CNTN5: variants seen among roughly 807,000 people sequenced by gnomAD.
The protein encoded by CNTN5 is contactin-5.
A neutral mutation model predicts 129.1 loss-of-function variants in CNTN5; 77 were observed. The ratio of observed to expected loss-of-function variants is 0.60; its 90% CI spans 0.50 to 0.72. The LOEUF is 0.72. Ranked by LOEUF, CNTN5 falls within the 30% of genes least tolerant of loss-of-function variation. CNTN5 has a pLI of 0.00. For synonymous variants in CNTN5, 509 were observed against 465.6 expected (o/e 1.09, Z -1.20); for missense variants, 1,478 against 1,328.8 (o/e 1.11, Z -1.75).
At chr11:99,215,227 T>C (rs1860055699) in intron 1 of CNTN5, among the ~76,000 whole-genome samples, 1 of 152,130 alleles carries the variant, frequency 6.6e-6, no homozygotes, top group African/African-American at 2.4e-5. Flanking sequence ...AGATGGTTTT[T>C]AGGTCTACTA....
intron 13 of CNTN5, among the ~76,000 whole-genome samples, chr11:100,133,285 C>A (rs1946430078): frequency 6.6e-6 from 1 of 152,098 alleles, no homozygotes; most frequent in Non-Finnish European, 1.5e-5. Context: ...CTGCCACCAA[C>A]AGATATGAAA....
chr11:99,859,465 C>A (rs1042548228), intron 6 of CNTN5, among the ~76,000 whole-genome samples: 4 of 152,156 alleles, frequency 2.6e-5, no homozygotes, highest in African/African-American at 9.7e-5. Context: ...CACCCAGTTA[C>A]TTAGCATGGA....
intron 1 of CNTN5, among the ~76,000 whole-genome samples, chr11:99,208,737 A>G (rs1859609837): frequency 6.6e-6 from 1 of 152,260 alleles, no homozygotes; most frequent in East Asian, 1.9e-4. Flanking sequence ...GGACATTATA[A>G]TGATGCCAAT....
At chr11:99,722,461 A>G (rs964365438) in intron 3 of CNTN5, among the ~76,000 whole-genome samples, 1 of 151,946 alleles carries the variant, frequency 6.6e-6, no homozygotes, top group African/African-American at 2.4e-5. Context: ...ACGAAAATAG[A>G]CACTGGGGTC....
At chr11:99,954,880 T>A (rs1950761893) in intron 7 of CNTN5, among the ~76,000 whole-genome samples, 1 of 152,276 alleles carries the variant, frequency 6.6e-6, no homozygotes, top group Middle Eastern at 3.4e-3. Context: ...AAGAACTAAA[T>A]AAGCATTTTT....
chr11:100,195,937 G>A (rs1197839617), intron 15 of CNTN5, among the ~76,000 whole-genome samples: 3 of 151,898 alleles, frequency 2.0e-5, no homozygotes, highest in Middle Eastern at 3.2e-3. Flanking sequence ...GTGTTATAAA[G>A]GCAGATTTGG....
intron 6 of CNTN5, among the ~76,000 whole-genome samples, chr11:99,855,671 G>A (rs1217984225): frequency 6.6e-6 from 1 of 152,052 alleles, no homozygotes; most frequent in Admixed American, 6.6e-5. Flanking sequence ...TCCAAGTAAG[G>A]TATCTAGATC....
rs571420009 is a variant in CNTN5 at position 99,935,478 on chromosome 11, A to T, written c.673+19329A>T. Among the ~76,000 whole-genome samples the T allele has an allele frequency of 7.9e-5, 12 of 152,146 alleles. No homozygotes were observed. In the South Asian group the frequency reaches 2.3e-3, roughly 29 times the overall value. ...ATTCCAGAAAGATTATTTAATCTCT[A>T]ATCTGATACTAGAAATTTGAGGGCA... On this transcript the variant is annotated intron_variant, in intron 7 of 24. Transcript: ENST00000524871.
At chr11:100,239,115 G>A (rs1000779181) in intron 16 of CNTN5, among the ~76,000 whole-genome samples, 1 of 152,124 alleles carries the variant, frequency 6.6e-6, no homozygotes, top group African/African-American at 2.4e-5. Context: ...GAAGTTGGTT[G>A]CACATATTAA....
intron 1 of CNTN5, among the ~76,000 whole-genome samples, chr11:99,263,028 C>T (rs1028888532): frequency 3.3e-5 from 5 of 152,054 alleles, no homozygotes; most frequent in African/African-American, 1.2e-4. Context: ...ACATAGAATA[C>T]ATCAGCCATA....
intron 6 of CNTN5, among the ~76,000 whole-genome samples, chr11:99,869,320 C>T (rs569958816): frequency 6.6e-6 from 1 of 152,166 alleles, no homozygotes; most frequent in South Asian, 2.1e-4. Flanking sequence ...TCAAGAGTAA[C>T]AATTTCAATC....
intron 1 of CNTN5, among the ~76,000 whole-genome samples, chr11:99,060,387 A>G (rs180886560): frequency 1.3e-5 from 2 of 152,268 alleles, no homozygotes; most frequent in East Asian, 3.8e-4. Context: ...GAAAGTTTTT[A>G]TTTTAAAAAT....
intron 4 of CNTN5, 118 bp downstream of exon 4, chr11:99,819,883 C>A (rs936151212): frequency 8.5e-6 from 6 of 709,946 alleles, no homozygotes; most frequent in Admixed American, 8.2e-5. Context: ...GAACTCAACT[C>A]TGCTAAAAAT....
chr11:99,992,669 G>A (rs737582), intron 8 of CNTN5, among the ~76,000 whole-genome samples: 57,676 of 151,922 alleles, frequency 0.38, 12,407 homozygotes, highest in African/African-American at 0.59. Flanking sequence ...TGGTGTTTTG[G>A]CTCTCTGTTC....
At chr11:100,051,715 A>G (rs540617633) in intron 9 of CNTN5, among the ~76,000 whole-genome samples, 4 of 152,058 alleles carry the variant, frequency 2.6e-5, no homozygotes, top group Non-Finnish European at 4.4e-5. Context: ...GATACACATC[A>G]AAAACAAGAG....
Position 100,294,604 on chromosome 11 carries a change from G to A in CNTN5, c.2315-3021G>A, listed in dbSNP as rs1040811374. 2.6e-5 allele frequency among the ~76,000 whole-genome samples: 4 copies of A among 151,588 alleles called. No homozygotes were observed. In the South Asian group the frequency reaches 6.2e-4, roughly 24 times the overall value. ...ATCAGTAGTTGACTGAGGAAGAAGA[G>A]TCTAGCTGCTTAATCCTGGATTCAA... is the stretch of plus-strand genomic sequence containing the variant. On this transcript the variant is annotated intron_variant, in intron 18 of 24. Transcript: ENST00000524871.
At chr11:99,509,498 G>C (rs553399348) in intron 2 of CNTN5, among the ~76,000 whole-genome samples, 2 of 152,190 alleles carry the variant, frequency 1.3e-5, no homozygotes, top group South Asian at 2.1e-4. Context: ...AACTGGCAAA[G>C]AGAAAGAGCA....
chr11:99,439,072 G>A (rs1943711230), intron 2 of CNTN5, among the ~76,000 whole-genome samples: 1 of 152,208 alleles, frequency 6.6e-6, no homozygotes, highest in African/African-American at 2.4e-5. Flanking sequence ...CTTTTCGATA[G>A]AGTGACCTAA....
chr11:99,258,449 A>G (rs1462175919), intron 1 of CNTN5, among the ~76,000 whole-genome samples: 3 of 152,084 alleles, frequency 2.0e-5, no homozygotes, highest in Admixed American at 6.6e-5. Flanking sequence ...AGAGTTTATT[A>G]TTGGACCTAG....
Sources: allele counts gnomAD v4.1 joint callset (sites outside exome capture counted in the v4.1 genomes callset), GRCh38; gene constraint gnomAD v4.1.1; transcripts MANE v1.5; gene names NCBI Gene and HGNC (gene_info 2026-07-23, HGNC 2026-07-21).